SRGAP1: variants seen among roughly 807,000 people sequenced by gnomAD.
SRGAP1 encodes SLIT-ROBO Rho GTPase activating protein 1.
A neutral mutation model predicts 121.9 loss-of-function variants in SRGAP1; 43 were observed. The observed-to-expected ratio is 0.35, with a 90% CI of 0.28 to 0.46. The LOEUF is 0.46. Among genes scored for constraint, SRGAP1 ranks in the 20% least tolerant of loss-of-function variants. The pLI is 1.00. For missense variants in SRGAP1, 1,102 were observed against 1,350.9 expected (o/e 0.82, Z 2.89); for synonymous variants, 447 against 485.4 (o/e 0.92, Z 1.04).
chr12:63,930,490 C>T (rs563145686), intron 1 of SRGAP1, among the ~76,000 whole-genome samples: 12 of 152,050 alleles, frequency 7.9e-5, no homozygotes, highest in South Asian at 4.2e-4. Context: ...AAGATGGCAA[C>T]GCTACACCAA....
chr12:64,151,089 C>G lies in SRGAP1; in HGVS notation c.*8417C>G, dbSNP rs976600548. The G allele has an allele frequency of 6.6e-6, 1 of 151,762 alleles. No homozygotes were observed. Among genetic ancestry groups the G allele is most frequent in the Non-Finnish European group, 1.5e-5 (1 of 67,958 alleles). 9.4% of individuals were successfully genotyped at this position (151,762 alleles called of 1,614,324 possible). The stretch of plus-strand genomic sequence containing the variant: ...AGAAGGAAAAGAAATTTTAAGTAAG[C>G]CAAAAATCTATTATATAGTCATAAG... On this transcript the variant is annotated 3_prime_UTR_variant, in exon 22 of 22. Transcript: ENST00000355086.
At chr12:63,973,333 A>T (rs1188528976) in intron 1 of SRGAP1, among the ~76,000 whole-genome samples, 2 of 152,214 alleles carry the variant, frequency 1.3e-5, no homozygotes, top group Non-Finnish European at 2.9e-5. Context: ...CATACTATGT[A>T]TAATTGCCGA....
chr12:63,981,944 T>G (rs2136405640), intron 1 of SRGAP1, among the ~76,000 whole-genome samples: 1 of 152,290 alleles, frequency 6.6e-6, no homozygotes, highest in East Asian at 1.9e-4. Context: ...CCGGGCGCGG[T>G]GGCTCACGCC....
intron 3 of SRGAP1, among the ~76,000 whole-genome samples, chr12:64,005,899 A>G (rs2034066425): frequency 6.6e-6 from 1 of 152,292 alleles, no homozygotes; most frequent in African/African-American, 2.4e-5. Flanking sequence ...ACAAACCTCT[A>G]TTGATAACCT....
At chr12:63,971,819 C>T (rs544253847) in intron 1 of SRGAP1, among the ~76,000 whole-genome samples, 2 of 151,910 alleles carry the variant, frequency 1.3e-5, no homozygotes, top group Admixed American at 1.3e-4. Context: ...ATTGCCATCT[C>T]TTTAAGGATT....
chr12:64,093,285 T>C (rs2036089810), intron 12 of SRGAP1, among the ~76,000 whole-genome samples: 1 of 152,180 alleles, frequency 6.6e-6, no homozygotes, highest in Non-Finnish European at 1.5e-5. Context: ...TCATTACTTT[T>C]TGACTACAAA....
At chr12:63,885,225 A>T (rs1032605108) in intron 1 of SRGAP1, among the ~76,000 whole-genome samples, 2 of 152,142 alleles carry the variant, frequency 1.3e-5, no homozygotes, top group Non-Finnish European at 2.9e-5. Context: ...ACCAGATTCA[A>T]CTTGGGGTTC....
chr12:64,109,597 T>G (rs2036399765), intron 16 of SRGAP1, among the ~76,000 whole-genome samples: 1 of 152,216 alleles, frequency 6.6e-6, no homozygotes, highest in South Asian at 2.1e-4. Flanking sequence ...TCTTTTAATT[T>G]CAGCAACTTG....
intron 1 of SRGAP1, among the ~76,000 whole-genome samples, chr12:63,906,107 T>G (rs577817731): frequency 1.3e-5 from 2 of 152,312 alleles, no homozygotes; most frequent in South Asian, 4.1e-4. Context: ...AATTTGCCTT[T>G]TCTAGACATT....
chr12:64,013,528 C>T (rs2034312408), intron 3 of SRGAP1, among the ~76,000 whole-genome samples: 2 of 152,152 alleles, frequency 1.3e-5, no homozygotes, highest in South Asian at 4.1e-4. Context: ...AGTGGACAAA[C>T]AGGCAGAAAC....
chr12:64,115,032 A>C (rs1161293071), intron 17 of SRGAP1, among the ~76,000 whole-genome samples: 1 of 152,216 alleles, frequency 6.6e-6, no homozygotes, highest in African/African-American at 2.4e-5. Flanking sequence ...ATAAGTTTTA[A>C]AAGAGGATAA....
chr12:64,106,908 C>G (rs919039809), intron 15 of SRGAP1, among the ~76,000 whole-genome samples: 3 of 152,030 alleles, frequency 2.0e-5, no homozygotes, highest in African/African-American at 7.2e-5. Context: ...TTACTAAGAT[C>G]ACACTATTAT....
rs1238983300 is a variant in SRGAP1, at chr12:63,984,241, T to C, written c.263+99T>C. The C allele has an allele frequency of 7.0e-6, 4 of 570,904 alleles. No homozygotes were observed. In the South Asian group the frequency reaches 1.5e-4, roughly 22 times the overall value. 35.4% of individuals were successfully genotyped at this position (570,904 alleles called of 1,614,324 possible). A position where few individuals can be genotyped will look rare whatever the true frequency, so the allele number is the denominator to read the frequency against. On this transcript the variant is annotated intron_variant, in intron 2 of 21. Coordinates refer to ENST00000355086, the MANE Select transcript of SRGAP1 (RefSeq NM_020762.4). Reference sequence around the variant, plus strand: ...TATTTTTCTATTTTTGTCTGAGTAGTGGTTGTAGAGCATATTCTCATAAAT... The same window carrying C: ...TATTTTTCTATTTTTGTCTGAGTAGCGGTTGTAGAGCATATTCTCATAAAT...
At position 64,056,918 on chromosome 12, in the gene SRGAP1, A is replaced by G. The variant is rs1474202187; in HGVS notation, c.802-5999A>G. ...AACACCCTTTCCCCTAACTCTCCCT[A>G]TTCCTTTGACCCTTTATCTTATCTA... On this transcript the variant is annotated intron_variant, in intron 6 of 21. Transcript: ENST00000355086. Among the ~76,000 whole-genome samples the G allele has an allele frequency of 4.6e-5, 7 of 152,034 alleles. No individual in the cohort carries two copies. The East Asian group carries it at 1.2e-3, about 25-fold the overall frequency.
At chr12:63,938,619 C>T (rs1045739606) in intron 1 of SRGAP1, among the ~76,000 whole-genome samples, 1 of 152,076 alleles carries the variant, frequency 6.6e-6, no homozygotes, top group Non-Finnish European at 1.5e-5. Context: ...GGTTAAACAG[C>T]TGGAAGGTGG....
chr12:63,865,091 C>T (rs1454272373), intron 1 of SRGAP1, among the ~76,000 whole-genome samples: 1 of 152,084 alleles, frequency 6.6e-6, no homozygotes, highest in Non-Finnish European at 1.5e-5. Context: ...GGCTGAAACA[C>T]ATTTTTATTA....
intron 1 of SRGAP1, among the ~76,000 whole-genome samples, chr12:63,857,762 C>G (rs772722872): frequency 6.6e-6 from 1 of 152,168 alleles, no homozygotes; most frequent in Non-Finnish European, 1.5e-5. Context: ...AAAAAACACT[C>G]ATTATTTATA....
intron 1 of SRGAP1, among the ~76,000 whole-genome samples, chr12:63,917,591 G>A (rs890304852): frequency 6.7e-6 from 1 of 149,556 alleles, no homozygotes; most frequent in Non-Finnish European, 1.5e-5. Flanking sequence ...TATAAAATAA[G>A]TCATCATCTA....
At chr12:64,043,041 TA>T in intron 5 of SRGAP1, 69 bp downstream of exon 5, 1 of 1,029,738 alleles carries the variant, frequency 9.7e-7, no homozygotes, top group East Asian at 2.4e-5. Context: ...ACTGATGCAA[TA>T]GCTGATATCC....
Sources: allele counts gnomAD v4.1 joint callset (sites outside exome capture counted in the v4.1 genomes callset), GRCh38; gene constraint gnomAD v4.1.1; transcripts MANE v1.5; gene names NCBI Gene and HGNC (gene_info 2026-07-23, HGNC 2026-07-21).